The following DNAH6 variants were observed in gnomAD, a reference collection of about 807,000 sequenced individuals.
DNAH6 encodes the protein axonemal beta dynein heavy chain 6.
In DNAH6, 340 loss-of-function variants were observed where a neutral mutation model predicts 491.4. That is an observed-to-expected ratio of 0.69 (90% CI 0.63 to 0.76). The LOEUF (loss-of-function observed/expected upper bound fraction) is 0.76. DNAH6 is among the 30% of genes least tolerant of loss of function. The probability of loss-of-function intolerance (pLI) is 0.00; values close to 1 mark genes in which losing one functional copy is unlikely to be tolerated. For missense variants in DNAH6, 4,443 were observed against 4,972.2 expected, an observed-to-expected ratio of 0.89 and a Z score of 3.20; for synonymous variants, 1,603 against 1,686.1, an observed-to-expected ratio of 0.95 and a Z score of 1.21.
intron 70 of DNAH6, among the ~76,000 whole-genome samples, chr2:84,803,999 G>A (rs1679182389): frequency 6.6e-6 from 1 of 152,018 alleles, no homozygotes. Flanking sequence ...TTGAGGCCAG[G>A]AGTTCGGGAC....
At chr2:84,714,202 A>G (rs1427748962) in intron 57 of DNAH6, among the ~76,000 whole-genome samples, 1 of 152,224 alleles carries the variant, frequency 6.6e-6, no homozygotes, top group East Asian at 1.9e-4. Context: ...ATCCTTAAAT[A>G]TACCATTCCA....
chr2:84,648,022 T>C lies in DNAH6; in HGVS notation c.5079-5297T>C, dbSNP rs548205277. Among the ~76,000 whole-genome samples, 8 of 152,342 alleles carry C rather than the reference T, an allele frequency of 5.3e-5. No individual in the cohort carries two copies. In the South Asian group the frequency reaches 1.7e-3, roughly 32 times the overall value. On this transcript the variant is annotated intron_variant, in intron 33 of 76. Transcript: ENST00000389394. ...TGGATGATTCTAATGTTAGTTCTGT[T>C]TAGAAATAACTCCAAGAACAGTTTT...
At chr2:84,763,756 G>A (rs1173552635) in intron 64 of DNAH6, among the ~76,000 whole-genome samples, 1 of 145,438 alleles carries the variant, frequency 6.9e-6, no homozygotes, top group East Asian at 1.9e-4. Context: ...GTGTGTGTGT[G>A]TGTGTGTGTG....
chr2:84,518,510 G>C (rs1675810055), intron 2 of DNAH6, among the ~76,000 whole-genome samples: 1 of 152,082 alleles, frequency 6.6e-6, no homozygotes, highest in Non-Finnish European at 1.5e-5. Flanking sequence ...AATTATAAAC[G>C]CATGTAAAGA....
intron 17 of DNAH6, among the ~76,000 whole-genome samples, chr2:84,594,980 T>G (rs1684438889): frequency 6.6e-6 from 1 of 152,200 alleles, no homozygotes; most frequent in Non-Finnish European, 1.5e-5. Flanking sequence ...TAAGAAAATA[T>G]TCTTGAGAAG....
intron 19 of DNAH6, 144 bp downstream of exon 19, chr2:84,604,695 A>G: frequency 3.0e-6 from 2 of 656,850 alleles, no homozygotes; most frequent in South Asian, 4.0e-5. Context: ...TTTCCTTACA[A>G]CAGATATTAC....
intron 10 of DNAH6, among the ~76,000 whole-genome samples, chr2:84,556,756 A>T (rs1191961689): frequency 6.6e-6 from 1 of 152,206 alleles, no homozygotes; most frequent in African/African-American, 2.4e-5. Flanking sequence ...ATGTACAGAG[A>T]TAGATATAGA....
chr2:84,595,574 TTTTTAGTATTTCAAACCTGAC>T, intron 17 of DNAH6, 51 bp from the exon 18 acceptor site: 1 of 1,330,978 alleles, frequency 7.5e-7, no homozygotes, highest in Non-Finnish European at 9.9e-7. Context: ...TTTAAAAGTT[TTTTTAGTATTTCAAACCTGAC>T]TTTTACTTTA....
At position 84,777,602 on chromosome 2, in the gene DNAH6, G is replaced by A. The variant is rs1417148307; in HGVS notation, c.10704-3891G>A. ...CTTATCTGTATCAGTCCCTAAATCTGGGTGCAGAGTCTTCAGGGAGACATC... is the reference window on the plus strand; with the variant it reads ...CTTATCTGTATCAGTCCCTAAATCTAGGTGCAGAGTCTTCAGGGAGACATC... On this transcript the variant is annotated intron_variant, in intron 64 of 76. Coordinates refer to ENST00000389394, the MANE Select transcript of DNAH6 (RefSeq NM_001370.2). 5.0e-6 allele frequency: 4 copies of A among 805,248 alleles called. No individual in the cohort carries two copies. In the Middle Eastern group the frequency reaches 6.7e-4, roughly 135 times the overall value. The allele number at this position is 805,248 out of a possible 1,614,324, so 49.9% of individuals were successfully genotyped here.
At chr2:84,534,705 C>T (rs776588137) in intron 4 of DNAH6, among the ~76,000 whole-genome samples, 3 of 151,770 alleles carry the variant, frequency 2.0e-5, no homozygotes, top group African/African-American at 4.8e-5. Flanking sequence ...CTCTTTTCCT[C>T]TTGTTTGGTT....
chr2:84,604,274 C>T (rs1380438493), intron 18 of DNAH6, 65 bp from the exon 19 acceptor site: 2 of 1,317,600 alleles, frequency 1.5e-6, no homozygotes, highest in African/African-American at 2.9e-5. Context: ...AAATTGAAAC[C>T]AGAACCTGTG....
chr2:84,588,483 T>A (rs1052516697), intron 15 of DNAH6, among the ~76,000 whole-genome samples: 1 of 152,242 alleles, frequency 6.6e-6, no homozygotes, highest in African/African-American at 2.4e-5. Context: ...AAATTTACCG[T>A]ATATCATATC....
In DNAH6 at chr2:84,705,601, A is replaced by G. The variant is rs369106994; in HGVS notation, c.8581A>G (p.Ile2861Val). Residue 2861 changes from isoleucine to valine, a missense_variant, in exon 52 of 77, where the codon ATT becomes GTT. Ile to Val is a conservative substitution (Grantham distance 29, BLOSUM62 3). Around this residue, in one of 3 missense-constraint regions of DNAH6, gnomAD observed 1,463 missense variants for 1,656.6 expected, o/e 0.88. Transcript: ENST00000389394. ...GATATTGGCAAAGCTTCAAAAGTAT[A>G]TTAATAATCCTGATTTTGTGCCTGA... ...PQILAKLQKY[I>V]NNPDFVPEKV... 8.4e-6 allele frequency: 13 copies of G among 1,551,576 alleles called. No homozygotes were observed. In the African/African-American group the frequency reaches 1.2e-4, roughly 15 times the overall value.
the DNAH6 span, among the ~76,000 whole-genome samples, chr2:84,467,143 C>T: frequency 7.9e-5 from 12 of 152,290 alleles, no homozygotes; most frequent in African/African-American, 2.4e-4. Context: ...AGTGTGTTCA[C>T]GCAGAATCTC....
At chr2:84,579,819 T>G (rs1682831529) in intron 14 of DNAH6, 140 bp downstream of exon 14, 2 of 662,824 alleles carry the variant, frequency 3.0e-6, no homozygotes, top group African/African-American at 1.9e-5. Flanking sequence ...GTGGATGTTC[T>G]ACATCACAGG....
chr2:84,567,753 C>G (rs1681359339), intron 11 of DNAH6, among the ~76,000 whole-genome samples: 1 of 151,924 alleles, frequency 6.6e-6, no homozygotes, highest in South Asian at 2.1e-4. Context: ...GATCTCATGA[C>G]AAAACATCAA....
intron 21 of DNAH6, among the ~76,000 whole-genome samples, chr2:84,609,053 T>C (rs1384516812): frequency 1.3e-5 from 2 of 152,176 alleles, no homozygotes; most frequent in Non-Finnish European, 2.9e-5. Context: ...ACCTTCAAAC[T>C]TTACTTCCAC....
At chr2:84,530,579 G>A (rs998537154) in intron 4 of DNAH6, among the ~76,000 whole-genome samples, 1 of 152,128 alleles carries the variant, frequency 6.6e-6, no homozygotes, top group Non-Finnish European at 1.5e-5. Context: ...AAAGTGTCAC[G>A]ATCTGATTTA....
At chr2:84,813,165 G>T (rs773556892) in intron 74 of DNAH6, 35 bp downstream of exon 74, 2 of 1,452,224 alleles carry the variant, frequency 1.4e-6, no homozygotes, top group African/African-American at 1.4e-5. Flanking sequence ...CCATAGGAAT[G>T]GCCATGACTT....
Sources: allele counts gnomAD v4.1 joint callset (sites outside exome capture counted in the v4.1 genomes callset), GRCh38; gene constraint gnomAD v4.1.1; regional missense constraint gnomAD v4.1.1; transcripts MANE v1.5; gene names NCBI Gene and HGNC (gene_info 2026-07-23, HGNC 2026-07-21).